The following MOB3B variants were observed in gnomAD, a reference collection of about 807,000 sequenced individuals.
The protein encoded by MOB3B is MOB kinase activator-like 2B.
MOB3B carries 7 observed loss-of-function variants against 18.7 expected under a neutral mutation model. That is an observed-to-expected ratio of 0.37 (90% CI 0.21 to 0.70). The LOEUF is 0.70. Among genes scored for constraint, MOB3B ranks in the 30% least tolerant of loss-of-function variants. The pLI, the probability that MOB3B is intolerant of heterozygous loss-of-function variation, is 0.52. For synonymous variants in MOB3B, 111 were observed against 99.9 expected (o/e 1.11, Z -0.66); for missense variants, 253 against 281.3 (o/e 0.90, Z 0.72).
intron 2 of MOB3B, 70 bp from the exon 3 acceptor site, chr9:27,359,306 T>C (rs891297205): frequency 6.0e-6 from 8 of 1,338,680 alleles, no homozygotes; most frequent in African/African-American, 4.4e-5. Context: ...TCCTCTAATA[T>C]GAAAACTGTC....
chr9:27,432,968 G>A (rs768696003), intron 2 of MOB3B, among the ~76,000 whole-genome samples: 1 of 152,072 alleles, frequency 6.6e-6, no homozygotes, highest in Non-Finnish European at 1.5e-5. Flanking sequence ...ACAGACTGAT[G>A]TTAGAAAATA....
intron 1 of MOB3B, among the ~76,000 whole-genome samples, chr9:27,473,222 C>A (rs1165721421): frequency 6.6e-6 from 1 of 152,200 alleles, no homozygotes; most frequent in African/African-American, 2.4e-5. Context: ...GAATGCAATC[C>A]AGAGAGCTGA....
intron 3 of MOB3B, among the ~76,000 whole-genome samples, chr9:27,351,228 G>A (rs542841557): frequency 1.3e-5 from 2 of 151,516 alleles, no homozygotes; most frequent in East Asian, 3.9e-4. Context: ...TCCATGAAGG[G>A]CTCTCTAAGC....
Position 27,328,011 on chromosome 9 carries a change from A to G in MOB3B, c.*2576T>C, listed in dbSNP as rs1217131606. 1 of 151,766 alleles carries G rather than the reference A, an allele frequency of 6.6e-6. No individual in the cohort carries two copies. Among genetic ancestry groups the G allele is most frequent in the Non-Finnish European group, 1.5e-5 (1 of 67,944 alleles). 9.4% of individuals were successfully genotyped at this position (151,766 alleles called of 1,614,324 possible). A position where few individuals can be genotyped will look rare whatever the true frequency, so the allele number is the denominator to read the frequency against. ...GGAGGCTAAGGTTGAAGCTCACTTG[A>G]GGCAAGGGGTTCAAGGCCAGCTTGG... On this transcript the variant is annotated 3_prime_UTR_variant, in exon 4 of 4. Coordinates refer to ENST00000262244, the MANE Select transcript of MOB3B (RefSeq NM_024761.5).
intron 2 of MOB3B, among the ~76,000 whole-genome samples, chr9:27,382,379 G>A (rs1370538257): frequency 6.6e-6 from 1 of 152,062 alleles, no homozygotes; most frequent in Non-Finnish European, 1.5e-5. Context: ...TTAACACACT[G>A]AGTAGGATCA....
At chr9:27,521,545 A>G (rs559626194) in intron 1 of MOB3B, among the ~76,000 whole-genome samples, 3 of 152,194 alleles carry the variant, frequency 2.0e-5, no homozygotes, top group African/African-American at 7.2e-5. Flanking sequence ...TTTAAAACCC[A>G]TGGTTAAGGA....
chr9:27,525,165 T>C (rs749088467), intron 1 of MOB3B, among the ~76,000 whole-genome samples: 1 of 152,114 alleles, frequency 6.6e-6, no homozygotes, highest in Non-Finnish European at 1.5e-5. Flanking sequence ...CCTTAGAAAG[T>C]CTTTAAGACA....
At chr9:27,473,773 T>C (rs570053714) in intron 1 of MOB3B, among the ~76,000 whole-genome samples, 5 of 152,208 alleles carry the variant, frequency 3.3e-5, no homozygotes, top group African/African-American at 9.6e-5. Context: ...TGGCATTCAT[T>C]TGGGAAGCTG....
chr9:27,480,363 G>A (rs576068272), intron 1 of MOB3B, among the ~76,000 whole-genome samples: 126 of 150,700 alleles, frequency 8.4e-4, no homozygotes, highest in African/African-American at 2.9e-3. Flanking sequence ...GCAGTGACGC[G>A]ATCTCGGCTC....
At chr9:27,337,826 G>T (rs894490550) in intron 3 of MOB3B, among the ~76,000 whole-genome samples, 2 of 152,186 alleles carry the variant, frequency 1.3e-5, no homozygotes, top group African/African-American at 2.4e-5. Context: ...TGCTTTCAGG[G>T]GCTGTGGAAT....
chr9:27,342,479 C>G (rs1168996299), intron 3 of MOB3B, among the ~76,000 whole-genome samples: 1 of 151,744 alleles, frequency 6.6e-6, no homozygotes, highest in Non-Finnish European at 1.5e-5. Context: ...CCCTCTCCCT[C>G]TCCCCGGTCT....
intron 2 of MOB3B, among the ~76,000 whole-genome samples, chr9:27,433,979 G>A (rs1314934623): frequency 1.3e-5 from 2 of 152,154 alleles, no homozygotes; most frequent in South Asian, 4.1e-4. Context: ...AGAGCAGGAG[G>A]TGGAGCCCAG....
chr9:27,518,490 G>A (rs918688566), intron 1 of MOB3B, among the ~76,000 whole-genome samples: 1 of 152,230 alleles, frequency 6.6e-6, no homozygotes, highest in African/African-American at 2.4e-5. Flanking sequence ...ATGGATGGAG[G>A]CTGTTCTGGT....
intron 1 of MOB3B, among the ~76,000 whole-genome samples, chr9:27,497,934 CAAG>C (rs1387775914): frequency 6.6e-6 from 1 of 152,276 alleles, no homozygotes; most frequent in Non-Finnish European, 1.5e-5. Context: ...CCAAGAAAGA[CAAG>C]AAGATGAAAT....
intron 3 of MOB3B, among the ~76,000 whole-genome samples, chr9:27,346,380 T>C (rs533384760): frequency 6.3e-4 from 96 of 152,310 alleles, no homozygotes; most frequent in Admixed American, 1.8e-3. Flanking sequence ...GTGCTCAATC[T>C]TGGCTCCACA....
At chr9:27,341,140 C>A (rs182924665) in intron 3 of MOB3B, among the ~76,000 whole-genome samples, 3 of 152,160 alleles carry the variant, frequency 2.0e-5, no homozygotes, top group African/African-American at 7.2e-5. Context: ...AGGCACTGGC[C>A]GGTGAAGCAG....
chr9:27,335,759 T>G (rs1316916104), intron 3 of MOB3B, among the ~76,000 whole-genome samples: 1 of 152,198 alleles, frequency 6.6e-6, no homozygotes. Flanking sequence ...GGACACATTC[T>G]TCTACCCTCC....
At chr9:27,411,493 A>G (rs958909271) in intron 2 of MOB3B, among the ~76,000 whole-genome samples, 2 of 152,172 alleles carry the variant, frequency 1.3e-5, no homozygotes, top group Admixed American at 1.3e-4. Flanking sequence ...ATCAGAGCAC[A>G]CACTGTGCCT....
chr9:27,466,858 T>G (rs1008053322), intron 1 of MOB3B, among the ~76,000 whole-genome samples: 1 of 152,152 alleles, frequency 6.6e-6, no homozygotes, highest in Non-Finnish European at 1.5e-5. Context: ...GGAGATAAAA[T>G]TCAAGTTGAG....
Sources: allele counts gnomAD v4.1 joint callset (sites outside exome capture counted in the v4.1 genomes callset), GRCh38; gene constraint gnomAD v4.1.1; transcripts MANE v1.5; gene names NCBI Gene and HGNC (gene_info 2026-07-23, HGNC 2026-07-21).